The following TBX2 variants were observed in gnomAD, a reference collection of about 807,000 sequenced individuals.
TBX2 encodes the protein T-box transcription factor TBX2.
In TBX2, 19 loss-of-function variants were observed where a neutral mutation model predicts 48.4. The ratio of observed to expected loss-of-function variants is 0.39; its 90% CI spans 0.27 to 0.58. The LOEUF (loss-of-function observed/expected upper bound fraction) is 0.58. Ranked by LOEUF, TBX2 falls within the 20% of genes least tolerant of loss-of-function variation. The pLI, the probability that TBX2 is intolerant of heterozygous loss-of-function variation, is 0.54. For synonymous variants in TBX2, 522 were observed against 459.7 expected (o/e 1.14, Z -1.73); for missense variants, 994 against 1,006.5 (o/e 0.99, Z 0.17).
In TBX2 at chr17:61,401,897, T is replaced by A. The variant is rs766919815; in HGVS notation, c.609T>A (p.Pro203=). 6.2e-7 allele frequency: 1 copy of A among 1,612,060 alleles called. No homozygotes were observed. Among genetic ancestry groups the A allele is most frequent in the Non-Finnish European group, 8.5e-7 (1 of 1,179,372 alleles). Residue 203 remains proline, a synonymous_variant, in exon 2 of 7, where the codon CCT becomes CCA. Coordinates refer to ENST00000240328, the MANE Select transcript of TBX2 (RefSeq NM_005994.4). The stretch of plus-strand genomic sequence containing the variant: ...CGGGGGAGCAGTGGATGGCTAAGCC[T>A]GTGGCCTTCCACAAGCTGAAGCTGA... ...PATGEQWMAK[P]VAFHKLKLTN...
Position 61,400,346 on chromosome 17 carries a change from T to TGGCGGGGGC in TBX2, c.176_184dup (p.Gly59_Ala61dup), listed in dbSNP as rs1322966828. Reference sequence around the variant, plus strand: ...GCCAAGCCGCTGCCCGACCCGGGCCTGGCGGGGGCGGCGGCCGCGGCGGCG... The same window carrying TGGCGGGGGC: ...GCCAAGCCGCTGCCCGACCCGGGCCTGGCGGGGGCGGCGGGGGCGGCGGCCGCGGCGGCG... On this transcript the variant is annotated inframe_insertion, in exon 1 of 7. Transcript: ENST00000240328. The surrounding 1 kb of genome is among the most constrained non-coding windows in gnomAD (Gnocchi z 9.2). 3.4e-5 allele frequency: 34 copies of TGGCGGGGGC among 1,005,458 alleles called. No homozygotes were observed. The African/African-American group carries it at 4.4e-4, about 13-fold the overall frequency. The allele number at this position is 1,005,458 out of a possible 1,614,324, so 62.3% of individuals were successfully genotyped here.
In TBX2 at chr17:61,408,078, G is replaced by T; in HGVS notation, c.1711G>T (p.Gly571Cys). The T allele has an allele frequency of 6.3e-7, 1 of 1,593,338 alleles. No homozygotes were observed. The highest frequency in any genetic ancestry group is 8.5e-7 in the Non-Finnish European group (1 of 1,170,214). Residue 571 changes from glycine to cysteine, a missense_variant, in exon 7 of 7, where the codon GGC (glycine) becomes TGC (cysteine). This residue lies in a region of TBX2 where 639 missense variants were observed against 613.2 expected (regional missense o/e 1.04). Coordinates refer to ENST00000240328, the MANE Select transcript of TBX2 (RefSeq NM_005994.4). ...GGGAATTCCAATGCCCACTTTCGGAGGCCTCTTCCCCTACCCCTACACCTA... is the reference window on the plus strand; with the variant it reads ...GGGAATTCCAATGCCCACTTTCGGATGCCTCTTCCCCTACCCCTACACCTA... ...SQGIPMPTFG[G>C]LFPYPYTYMA...
At chr17:61,405,996 G>A (rs956515086) in intron 6 of TBX2, 160 bp downstream of exon 6, 33 of 693,796 alleles carry the variant, frequency 4.8e-5, no homozygotes, top group Non-Finnish European at 6.2e-5. Flanking sequence ...TAGGACACCT[G>A]GGTTCTGAGA....
intron 5 of TBX2, 45 bp from the exon 6 acceptor site, chr17:61,405,157 G>C: frequency 6.8e-7 from 1 of 1,466,150 alleles, no homozygotes; most frequent in South Asian, 1.4e-5. Flanking sequence ...CCTGCTCGTC[G>C]GCCTCCGCCC....
At position 61,408,145 on chromosome 17, in the gene TBX2, C is replaced by T; in HGVS notation, c.1778C>T (p.Thr593Ile). Residue 593 changes from threonine to isoleucine, a missense_variant, in exon 7 of 7, where the codon ACT becomes ATT. Thr to Ile is a moderately conservative substitution (Grantham distance 89). Coordinates refer to ENST00000240328, the MANE Select transcript of TBX2 (RefSeq NM_005994.4). ...GCAGCCGCCTCGGCTTTGCCCGCCA[C>T]TAGTGCTGCAGCTGCCGCCGCCGCA... is the stretch of plus-strand genomic sequence containing the variant. ...AAAAASALPA[T>I]SAAAAAAAAA... The T allele has an allele frequency of 6.2e-7, 1 of 1,611,810 alleles. No individual in the cohort carries two copies. The highest frequency in any genetic ancestry group is 8.5e-7 in the Non-Finnish European group (1 of 1,179,532).
At chr17:61,402,816 G>A (rs1466248785) in intron 2 of TBX2, among the ~76,000 whole-genome samples, 1 of 151,192 alleles carries the variant, frequency 6.6e-6, no homozygotes, top group Non-Finnish European at 1.5e-5. Flanking sequence ...TTTTTTTAAT[G>A]GCAAGAGAAA....
rs1479173796 is a variant in TBX2, at chr17:61,403,164, C to T, written c.767C>T (p.Pro256Leu). Residue 256 changes from proline (P) to leucine (L), a missense_variant, in exon 3 of 7, where the codon CCG becomes CTG. By Grantham distance (98) the Pro-to-Leu change is moderately conservative. This residue lies in a region of TBX2 where 153 missense variants were observed against 166.2 expected (regional missense o/e 0.92). Transcript: ENST00000240328. This position sits in a 1 kb window ranked among gnomAD's most constrained non-coding sequence, Gnocchi z 5.8. ...PYSTFRTYVFPETDFIAVTAY... is the reference protein window; with the variant it reads ...PYSTFRTYVFLETDFIAVTAY... ...AGCACCTTCCGCACCTACGTGTTCC[C>T]GGAGACCGACTTCATCGCCGTCACT... 3.7e-6 allele frequency: 6 copies of T among 1,613,634 alleles called. No homozygotes were observed. Among genetic ancestry groups the T allele is most frequent in the East Asian group, 2.2e-5 (1 of 44,878 alleles).
Position 61,403,864 on chromosome 17 carries a change from C to T in TBX2, c.811-557C>T, listed in dbSNP as rs1007671836. Among the ~76,000 whole-genome samples, 3 of 152,154 alleles carry T rather than the reference C, an allele frequency of 2.0e-5. No homozygotes were observed. The highest frequency in any genetic ancestry group is 4.4e-5 in the Non-Finnish European group (3 of 68,030). ...GAGTGAAAGAGAGGGTACGAGTGTC[C>T]GTGCCGGTCGTTGTGGCTTTGTGAA... is the stretch of plus-strand genomic sequence containing the variant. On this transcript the variant is annotated intron_variant, in intron 3 of 6. Coordinates refer to ENST00000240328, the MANE Select transcript of TBX2 (RefSeq NM_005994.4). The surrounding 1 kb of genome is among the most constrained non-coding windows in gnomAD (Gnocchi z 5.8).
At position 61,400,515 on chromosome 17, in the gene TBX2, G is replaced by A. The variant is rs757933429; in HGVS notation, c.339G>A (p.Glu113=). The A allele has an allele frequency of 1.4e-5, 23 of 1,596,602 alleles. No individual in the cohort carries two copies. In the Admixed American group the frequency reaches 4.0e-4, roughly 28 times the overall value. ...DDPKVTLEAK[E]LWDQFHKLGT... Reference sequence around the variant, plus strand: ...CCAAGGTGACGCTGGAGGCCAAGGAGCTGTGGGACCAGTTCCACAAGCTAG... The same window carrying A: ...CCAAGGTGACGCTGGAGGCCAAGGAACTGTGGGACCAGTTCCACAAGCTAG... The change falls in exon 1 of 7, where the codon GAG becomes GAA. Residue 113 remains glutamate (E), a synonymous_variant. Coordinates refer to ENST00000240328, the MANE Select transcript of TBX2 (RefSeq NM_005994.4). This position sits in a 1 kb window ranked among gnomAD's most constrained non-coding sequence, Gnocchi z 9.2.
At position 61,406,739 on chromosome 17, in the gene TBX2, T is replaced by G. The variant is rs1355814747; in HGVS notation, c.1686+903T>G. ...ATATTTTAAAAGTTGGGTTGGTGGG[T>G]GGGGGGGTGGGGGGTTGGGAGGCAG... On this transcript the variant is annotated intron_variant, in intron 6 of 6. Coordinates refer to ENST00000240328, the MANE Select transcript of TBX2 (RefSeq NM_005994.4). The surrounding 1 kb of genome is among the most constrained non-coding windows in gnomAD (Gnocchi z 5.7). 1.2e-4 allele frequency: 13 copies of G among 110,692 alleles called. No homozygotes were observed. The highest frequency in any genetic ancestry group is 7.8e-4 in the African/African-American group (12 of 15,326). The allele number at this position is 110,692 out of a possible 1,614,324, so 6.9% of individuals were successfully genotyped here.
Position 61,406,109 on chromosome 17 carries a change from C to A in TBX2, c.1686+273C>A. ...GACCCTCTCTGGGCCTGCTTCCTTCCCTATAGCCCCAGCGAGGAGTGCGGT... is the reference window on the plus strand; with the variant it reads ...GACCCTCTCTGGGCCTGCTTCCTTCACTATAGCCCCAGCGAGGAGTGCGGT... On this transcript the variant is annotated intron_variant, in intron 6 of 6. Coordinates refer to ENST00000240328, the MANE Select transcript of TBX2 (RefSeq NM_005994.4). The surrounding 1 kb of genome is among the most constrained non-coding windows in gnomAD (Gnocchi z 5.7). The A allele has an allele frequency of 2.8e-6, 1 of 362,336 alleles. No homozygotes were observed. Among genetic ancestry groups the A allele is most frequent in the Non-Finnish European group, 4.9e-6 (1 of 203,634 alleles). The allele number at this position is 362,336 out of a possible 1,614,324, so 22.4% of individuals were successfully genotyped here.
rs1488281642 is a variant in TBX2 at position 61,400,341 on chromosome 17, G to C, written c.165G>C (p.Pro55=). ...CGCTGGCCAAGCCGCTGCCCGACCC[G>C]GGCCTGGCGGGGGCGGCGGCCGCGG... The part of the protein sequence containing the change: ...PGALAKPLPD[P]GLAGAAAAAA... The change falls in exon 1 of 7, where the codon CCG becomes CCC. Residue 55 remains proline, a synonymous_variant. Coordinates refer to ENST00000240328, the MANE Select transcript of TBX2 (RefSeq NM_005994.4). The surrounding 1 kb of genome is among the most constrained non-coding windows in gnomAD (Gnocchi z 9.2). 1 of 1,001,412 alleles carries C rather than the reference G, an allele frequency of 1.0e-6. No individual in the cohort carries two copies. Among genetic ancestry groups the C allele is most frequent in the Non-Finnish European group, 1.2e-6 (1 of 843,202 alleles). The allele number at this position is 1,001,412 out of a possible 1,614,324, so 62.0% of individuals were successfully genotyped here.
Position 61,400,298 on chromosome 17 carries a change from T to C in TBX2, c.122T>C (p.Leu41Pro). 8.9e-7 allele frequency: 1 copy of C among 1,121,874 alleles called. No individual in the cohort carries two copies. Among genetic ancestry groups the C allele is most frequent in the Admixed American group, 3.2e-5 (1 of 31,368 alleles). The allele number at this position is 1,121,874 out of a possible 1,614,324, so 69.5% of individuals were successfully genotyped here. A position where few individuals can be genotyped will look rare whatever the true frequency, so the allele number is the denominator to read the frequency against. The change falls in exon 1 of 7, where the codon CTC becomes CCC. Residue 41 changes from leucine (L) to proline (P), a missense_variant. Transcript: ENST00000240328. The surrounding 1 kb of genome is among the most constrained non-coding windows in gnomAD (Gnocchi z 9.2). ...GCGCAGCCCTCCTTCTTCCCGGCAC[T>C]CGCGCTGCCGCCCGGCGCGCTGGCC... ...AAAQPSFFPALALPPGALAKP... is the reference protein window; with the variant it reads ...AAAQPSFFPAPALPPGALAKP...
At chr17:61,404,166 T>A (rs1311860313) in intron 3 of TBX2, among the ~76,000 whole-genome samples, 1 of 152,138 alleles carries the variant, frequency 6.6e-6, no homozygotes, top group Non-Finnish European at 1.5e-5. Flanking sequence ...GGCACTGCTT[T>A]AGGCCTGTGT....
rs936913573 is a variant in TBX2 at position 61,408,354 on chromosome 17, G to A, written c.1987G>A (p.Ala663Thr). The change falls in exon 7 of 7, where the codon GCT becomes ACT. Residue 663 changes from alanine (A) to threonine (T), a missense_variant. Around this residue, in one of 5 missense-constraint regions of TBX2, gnomAD observed 639 missense variants for 613.2 expected, o/e 1.04. Coordinates refer to ENST00000240328, the MANE Select transcript of TBX2 (RefSeq NM_005994.4). ...SREPSPLPEL[A>T]LRKVGAPSRG... ...GGAGCCTAGCCCCCTGCCCGAGCTG[G>A]CTCTCCGCAAAGTAGGGGCCCCATC... is the stretch of plus-strand genomic sequence containing the variant. 4 of 1,591,626 alleles carry A rather than the reference G, an allele frequency of 2.5e-6. No homozygotes were observed. Among genetic ancestry groups the A allele is most frequent in the Non-Finnish European group, 2.6e-6 (3 of 1,170,170 alleles).
chr17:61,401,595 A>C (rs992214993), intron 1 of TBX2, 89 bp from the exon 2 acceptor site: 3 of 1,497,334 alleles, frequency 2.0e-6, no homozygotes, highest in African/African-American at 2.8e-5. Context: ...CGGTGTGCGC[A>C]ACGAGGAGGG....
chr17:61,408,030 C>G, intron 6 of TBX2, 24 bp from the exon 7 acceptor site: 1 of 1,547,240 alleles, frequency 6.5e-7, no homozygotes, highest in Non-Finnish European at 8.7e-7. Context: ...ATGTCTAACC[C>G]TCGTCTTGTT....
Position 61,408,089 on chromosome 17 carries a change from CT to C in TBX2, c.1723del (p.Tyr575ThrfsTer93). ...PMPTFGGLFP[Y>X]PYTYMAAAAA... ...TGCCCACTTTCGGAGGCCTCTTCCCCTACCCCTACACCTACATGGCAGCAGC... is the reference window on the plus strand; with the variant it reads ...TGCCCACTTTCGGAGGCCTCTTCCCCACCCCTACACCTACATGGCAGCAGC... On this transcript the variant is annotated frameshift_variant, in exon 7 of 7. Transcript: ENST00000240328. LOFTEE classifies it high-confidence loss of function. 6.2e-7 allele frequency: 1 copy of C among 1,605,896 alleles called. No homozygotes were observed. The highest frequency in any genetic ancestry group is 8.5e-7 in the Non-Finnish European group (1 of 1,176,238).
intron 1 of TBX2, 144 bp from the exon 2 acceptor site, chr17:61,401,540 G>A: frequency 5.1e-6 from 6 of 1,182,096 alleles, no homozygotes; most frequent in Non-Finnish European, 6.9e-6. Flanking sequence ...GGGCAGTGAT[G>A]AGAGGGCAGA....
Sources: gnomAD v4.1 joint callset for allele counts (sites outside exome capture counted in the v4.1 genomes callset) on GRCh38, gnomAD v4.1.1 for gene constraint, gnomAD v4.1.1 regional missense constraint, Gnocchi (gnomAD v3.1) non-coding constraint, MANE v1.5 for transcripts, NCBI Gene and HGNC (gene_info 2026-07-23, HGNC 2026-07-21) for gene names.